EFCAB5: variants seen among roughly 807,000 people sequenced by gnomAD.
EFCAB5 encodes EF-hand calcium binding domain 5.
Under a neutral mutation model 167.9 loss-of-function variants are expected in EFCAB5, and 131 were observed. The observed-to-expected ratio is 0.78, with a 90% CI of 0.68 to 0.90. The LOEUF (loss-of-function observed/expected upper bound fraction) is 0.90, where lower values mean the gene tolerates loss of function less well. EFCAB5 is among the 40% of genes least tolerant of loss of function. The pLI, the probability that EFCAB5 is intolerant of heterozygous loss-of-function variation, is 0.00. For synonymous variants in EFCAB5, 574 were observed against 602.8 expected (o/e 0.95, Z 0.70); for missense variants, 1,663 against 1,745.2 (o/e 0.95, Z 0.84).
At chr17:29,934,900 G>C (rs2067232400) in intron 1 of EFCAB5, among the ~76,000 whole-genome samples, 1 of 151,988 alleles carries the variant, frequency 6.6e-6, no homozygotes, top group Admixed American at 6.6e-5. Context: ...AACTCCTCAG[G>C]CTGAATAGAT....
Position 29,968,841 on chromosome 17 carries a change from T to C in EFCAB5, c.241T>C (p.Ser81Pro), listed in dbSNP as rs1161443084. ...RKISPGSIKD[S>P]KTEASGNIAI... ...AATTTCACCTGGTTCAATAAAGGAC[T>C]CTAAAACTGAAGCCTCAGGTAATAT... is the stretch of plus-strand genomic sequence containing the variant. The change falls in exon 4 of 23, where the codon TCT (serine) becomes CCT (proline). Residue 81 changes from serine (S) to proline (P), a missense_variant. By Grantham distance (74) the Ser-to-Pro change is moderately conservative. Transcript: ENST00000394835. 1 of 1,550,672 alleles carries C rather than the reference T, an allele frequency of 6.4e-7. No homozygotes were observed. Among genetic ancestry groups the C allele is most frequent in the African/African-American group, 1.4e-5 (1 of 73,086 alleles).
At chr17:30,072,346 AAACAAC>A (rs1344822009) in intron 14 of EFCAB5, among the ~76,000 whole-genome samples, 3 of 152,120 alleles carry the variant, frequency 2.0e-5, no homozygotes, top group African/African-American at 7.3e-5. Context: ...TTTTGAAACA[AAACAAC>A]AACAACAAAA....
intron 8 of EFCAB5, among the ~76,000 whole-genome samples, chr17:30,044,700 A>G (rs1300340299): frequency 6.6e-6 from 1 of 152,230 alleles, no homozygotes; most frequent in East Asian, 1.9e-4. Context: ...TGATACAACC[A>G]CTTCAAAAAC....
chr17:30,056,015 T>C lies in EFCAB5; in HGVS notation c.2273-49T>C, dbSNP rs779700066. The C allele has an allele frequency of 3.6e-5, 58 of 1,613,034 alleles. 1 individual carries two copies. The highest frequency in any genetic ancestry group is 4.8e-5 in the Non-Finnish European group (57 of 1,179,490). ...TCATTTATACCCTAGAACAAAAATA[T>C]TGTGAAAGCGAAGTTTGATTGGCTA... is the stretch of plus-strand genomic sequence containing the variant. On this transcript the variant is annotated intron_variant, in intron 11 of 22. Coordinates refer to ENST00000394835, the MANE Select transcript of EFCAB5 (RefSeq NM_198529.4).
At chr17:30,088,120 T>TC (rs2071124169) in intron 19 of EFCAB5, among the ~76,000 whole-genome samples, 2 of 152,192 alleles carry the variant, frequency 1.3e-5, no homozygotes, top group Non-Finnish European at 2.9e-5. Flanking sequence ...ACTCTTTTTT[T>TC]CCCAAATCCT....
intron 14 of EFCAB5, among the ~76,000 whole-genome samples, chr17:30,068,056 A>C (rs2070623702): frequency 6.6e-6 from 1 of 152,260 alleles, no homozygotes; most frequent in South Asian, 2.1e-4. Flanking sequence ...CTGTAATCCC[A>C]GGACTTTGGG....
At chr17:29,931,265 T>C (rs1381580135) in intron 1 of EFCAB5, among the ~76,000 whole-genome samples, 3 of 152,176 alleles carry the variant, frequency 2.0e-5, no homozygotes, top group Non-Finnish European at 2.9e-5. Flanking sequence ...TTTGCAGTTA[T>C]TAAAACCCAC....
intron 8 of EFCAB5, among the ~76,000 whole-genome samples, chr17:30,050,278 G>T (rs1024644613): frequency 1.3e-5 from 2 of 151,962 alleles, no homozygotes; most frequent in Admixed American, 1.3e-4. Context: ...GGGATTACAG[G>T]TGCCCACCAA....
Position 30,075,204 on chromosome 17 carries a change from A to T in EFCAB5, c.2738-3011A>T, listed in dbSNP as rs74627549. Among the ~76,000 whole-genome samples the T allele has an allele frequency of 2.3e-3, 353 of 152,154 alleles. 3 individuals are homozygous for T. The highest frequency in any genetic ancestry group is 2.3e-3 in the Non-Finnish European group (158 of 67,994). On this transcript the variant is annotated intron_variant, in intron 14 of 22. Coordinates refer to ENST00000394835, the MANE Select transcript of EFCAB5 (RefSeq NM_198529.4). ...TTCTATATGGAACTAATCTCCCATC[A>T]CTGTCGCTGTCCTCTCTTCCACACT...
chr17:30,089,886 G>A (rs986399072), intron 19 of EFCAB5, among the ~76,000 whole-genome samples: 9 of 152,200 alleles, frequency 5.9e-5, no homozygotes, highest in African/African-American at 1.9e-4. Context: ...CTTGGGATCA[G>A]GCCGAGGCTA....
intron 18 of EFCAB5, among the ~76,000 whole-genome samples, chr17:30,083,661 T>C (rs1433070896): frequency 6.6e-6 from 1 of 152,058 alleles, no homozygotes; most frequent in Non-Finnish European, 1.5e-5. Context: ...TCCATATTGG[T>C]CAGGCTAGTC....
intron 14 of EFCAB5, among the ~76,000 whole-genome samples, chr17:30,061,076 G>A (rs929714983): frequency 1.3e-5 from 2 of 152,214 alleles, no homozygotes; most frequent in South Asian, 2.1e-4. Flanking sequence ...TATGAGTAAG[G>A]TATAGCAATA....
chr17:30,025,762 A>G (rs1456044469), intron 7 of EFCAB5, among the ~76,000 whole-genome samples: 1 of 152,232 alleles, frequency 6.6e-6, no homozygotes, highest in African/African-American at 2.4e-5. Context: ...AAGACTTGGA[A>G]CCAACCCAAA....
chr17:30,012,241 G>T (rs1316946342), intron 7 of EFCAB5, among the ~76,000 whole-genome samples: 4 of 152,102 alleles, frequency 2.6e-5, no homozygotes, highest in South Asian at 2.1e-4. Flanking sequence ...GGGGAGTTTG[G>T]AGAAGACTCT....
chr17:30,056,449 T>C (rs2070270824), intron 12 of EFCAB5, among the ~76,000 whole-genome samples: 1 of 152,198 alleles, frequency 6.6e-6, no homozygotes, highest in African/African-American at 2.4e-5. Context: ...TTTAAAGCTA[T>C]GATCTAAGCA....
intron 22 of EFCAB5, among the ~76,000 whole-genome samples, chr17:30,094,531 A>AT (rs2071260039): frequency 6.7e-6 from 1 of 148,646 alleles, no homozygotes; most frequent in African/African-American, 2.6e-5. Context: ...AAAAAAAAAA[A>AT]AAATAACTGG....
chr17:30,045,526 C>A (rs1009888980), intron 8 of EFCAB5, among the ~76,000 whole-genome samples: 74 of 150,778 alleles, frequency 4.9e-4, no homozygotes, highest in African/African-American at 1.7e-3. Flanking sequence ...TACAGCTTCA[C>A]TGTGGTGGTA....
At chr17:30,030,172 T>C (rs565362919) in intron 7 of EFCAB5, among the ~76,000 whole-genome samples, 29 of 152,380 alleles carry the variant, frequency 1.9e-4, no homozygotes, top group Admixed American at 3.9e-4. Context: ...TGATTTGTAG[T>C]TGATATCGCC....
chr17:29,942,395 A>G (rs1597553984), intron 2 of EFCAB5, 93 bp downstream of exon 2: 2 of 1,197,768 alleles, frequency 1.7e-6, no homozygotes, highest in Non-Finnish European at 2.2e-6. Context: ...GTGGGTATTC[A>G]AAAAGATAAC....
Sources: allele counts gnomAD v4.1 joint callset (sites outside exome capture counted in the v4.1 genomes callset), GRCh38; gene constraint gnomAD v4.1.1; transcripts MANE v1.5; gene names NCBI Gene and HGNC (gene_info 2026-07-23, HGNC 2026-07-21).